PLEKHB2: variants seen among roughly 807,000 people sequenced by gnomAD.
The protein encoded by PLEKHB2 is pleckstrin homology domain-containing family B member 2.
In PLEKHB2, 31 loss-of-function variants were observed where a neutral mutation model predicts 36.5. The observed-to-expected ratio is 0.85, with a 90% CI of 0.64 to 1.15. PLEKHB2 has a LOEUF of 1.15. PLEKHB2 is among the 50% of genes most tolerant of loss of function. PLEKHB2 has a pLI of 0.00. For missense variants in PLEKHB2, 262 were observed against 295.3 expected, an observed-to-expected ratio of 0.89 and a Z score of 0.83; for synonymous variants, 119 against 112.0, an observed-to-expected ratio of 1.06 and a Z score of -0.39.
chr2:131,118,709 C>A (rs551132784), intron 1 of PLEKHB2, among the ~76,000 whole-genome samples: 1 of 150,804 alleles, frequency 6.6e-6, no homozygotes, highest in East Asian at 2.0e-4. Flanking sequence ...ACTGAAAATA[C>A]AAGAAAAAAT....
chr2:131,126,652 A>G, intron 3 of PLEKHB2, 32 bp from the exon 4 acceptor site: 2 of 1,288,922 alleles, frequency 1.6e-6, no homozygotes, highest in Non-Finnish European at 2.3e-6. Flanking sequence ...AAATCCTGAA[A>G]AAAGTTCCTT....
In PLEKHB2 at chr2:131,105,385, A is replaced by C. The variant is rs892374148; in HGVS notation, c.-22A>C. 3 of 152,274 alleles carry C rather than the reference A, an allele frequency of 2.0e-5. No individual in the cohort carries two copies. The highest frequency in any genetic ancestry group is 4.4e-5 in the Non-Finnish European group (3 of 68,132). 9.4% of individuals were successfully genotyped at this position (152,274 alleles called of 1,614,324 possible). A position where few individuals can be genotyped will look rare whatever the true frequency, so the allele number is the denominator to read the frequency against. ...TCGCCGTGGCGTCTTGGTGTTCTCC[A>C]CGCTGGTTCGCAGGTGAGTGTCCCT... On this transcript the variant is annotated 5_prime_UTR_variant, in exon 1 of 8. Coordinates refer to ENST00000693505, the MANE Select transcript of PLEKHB2 (RefSeq NM_001100623.2).
chr2:131,128,109 C>T (rs1010759593), intron 4 of PLEKHB2, among the ~76,000 whole-genome samples: 3 of 152,180 alleles, frequency 2.0e-5, no homozygotes, highest in Admixed American at 6.5e-5. Flanking sequence ...CCTCAGATTA[C>T]AGAATGTTGA....
intron 6 of PLEKHB2, among the ~76,000 whole-genome samples, chr2:131,139,916 A>G (rs1481232270): frequency 6.6e-6 from 1 of 152,216 alleles, no homozygotes; most frequent in Non-Finnish European, 1.5e-5. Context: ...AATCTCATGC[A>G]AGTCCAGTTC....
chr2:131,122,022 C>T (rs767084060), intron 2 of PLEKHB2, among the ~76,000 whole-genome samples: 1 of 152,120 alleles, frequency 6.6e-6, no homozygotes, highest in Non-Finnish European at 1.5e-5. Context: ...CCTCAGCCTC[C>T]CGAGTAGCTG....
At chr2:131,124,805 A>T (rs1696934746) in intron 2 of PLEKHB2, among the ~76,000 whole-genome samples, 1 of 150,484 alleles carries the variant, frequency 6.6e-6, no homozygotes, top group Admixed American at 6.6e-5. Context: ...TTTTTTTTGG[A>T]GACGGAGTGT....
At position 131,130,759 on chromosome 2, in the gene PLEKHB2, C is replaced by A. The variant is rs1418360728; in HGVS notation, c.332C>A (p.Thr111Lys). 12 of 1,607,844 alleles carry A rather than the reference C, an allele frequency of 7.5e-6. No homozygotes were observed. Among genetic ancestry groups the A allele is most frequent in the Non-Finnish European group, 9.4e-6 (11 of 1,175,062 alleles). ...ACACTCCAAGATTCTAGGACAAACACAGTAAGTTGCTAATGGCAATCACCA... is the reference window on the plus strand; with the variant it reads ...ACACTCCAAGATTCTAGGACAAACAAAGTAAGTTGCTAATGGCAATCACCA... ...KFTLQDSRTN[T>K]AYVGSAVMTD... is the part of the protein sequence containing the mutation. Residue 111 changes from threonine to lysine, a missense_variant and splice_region_variant, in exon 5 of 8, where the codon ACA becomes AAA. Thr to Lys is a moderately conservative substitution (Grantham distance 78). Transcript: ENST00000693505.
At chr2:131,130,651 C>G in intron 4 of PLEKHB2, 70 bp from the exon 5 acceptor site, 1 of 1,157,476 alleles carries the variant, frequency 8.6e-7, no homozygotes. Context: ...AATTCTGATG[C>G]CAGCCCAGGT....
chr2:131,109,383 G>T (rs949040281), intron 1 of PLEKHB2, among the ~76,000 whole-genome samples: 1 of 152,176 alleles, frequency 6.6e-6, no homozygotes, highest in Non-Finnish European at 1.5e-5. Flanking sequence ...AATAATACAT[G>T]TACATAGATT....
At chr2:131,141,054 C>T (rs952177022) in intron 7 of PLEKHB2, among the ~76,000 whole-genome samples, 5 of 152,112 alleles carry the variant, frequency 3.3e-5, no homozygotes, top group Non-Finnish European at 5.9e-5. Flanking sequence ...GGTGTCTCAG[C>T]GCAGAGGCAG....
intron 1 of PLEKHB2, among the ~76,000 whole-genome samples, chr2:131,105,704 G>A (rs910337812): frequency 6.6e-6 from 1 of 152,026 alleles, no homozygotes; most frequent in South Asian, 2.1e-4. Context: ...CTTCCCCGGC[G>A]TCCGCCTCCG....
chr2:131,146,675 C>G lies in PLEKHB2; in HGVS notation c.571C>G (p.Arg191Gly). 1 of 1,613,858 alleles carries G rather than the reference C, an allele frequency of 6.2e-7. No individual in the cohort carries two copies. The highest frequency in any genetic ancestry group is 8.5e-7 in the Non-Finnish European group (1 of 1,179,906). Residue 191 changes from arginine to glycine, a missense_variant, in exon 8 of 8, where the codon CGA becomes GGA. By Grantham distance (125) the Arg-to-Gly change is moderately radical. Transcript: ENST00000693505. The part of the protein sequence containing the change: ...GQQPANQVII[R>G]ERYRDNDSDL... The stretch of plus-strand genomic sequence containing the variant: ...GCAGCCTGCTAACCAAGTCATCATT[C>G]GAGAGCGCTATCGAGACAACGACAG...
chr2:131,121,486 GAT>G (rs1236458792), intron 2 of PLEKHB2, among the ~76,000 whole-genome samples: 3 of 152,092 alleles, frequency 2.0e-5, no homozygotes, highest in African/African-American at 7.2e-5. Flanking sequence ...GACCTCAGGT[GAT>G]CTGCCCACCT....
chr2:131,131,272 G>C (rs1697651541), intron 5 of PLEKHB2, among the ~76,000 whole-genome samples: 1 of 152,242 alleles, frequency 6.6e-6, no homozygotes, highest in African/African-American at 2.4e-5. Context: ...GCTTGTTCCA[G>C]TGTTGCTTTC....
At chr2:131,133,035 T>A (rs754512653) in intron 6 of PLEKHB2, 44 bp downstream of exon 6, 1 of 1,230,682 alleles carries the variant, frequency 8.1e-7, no homozygotes, top group Admixed American at 1.7e-5. Context: ...GTTTGGGGTC[T>A]CTGCTGCTGT....
At chr2:131,139,041 C>T (rs763369421) in intron 6 of PLEKHB2, among the ~76,000 whole-genome samples, 15 of 152,192 alleles carry the variant, frequency 9.9e-5, no homozygotes, top group Non-Finnish European at 1.9e-4. Flanking sequence ...AGGCTGAAGG[C>T]TTTTATGTGG....
intron 2 of PLEKHB2, among the ~76,000 whole-genome samples, chr2:131,121,563 A>T (rs1487698855): frequency 6.6e-6 from 1 of 152,106 alleles, no homozygotes; most frequent in African/African-American, 2.4e-5. Context: ...TTTATTATTA[A>T]TGATGGATCT....
At position 131,140,194 on chromosome 2, in the gene PLEKHB2, G is replaced by A. The variant is rs772416287; in HGVS notation, c.451G>A (p.Gly151Ser). The A allele has an allele frequency of 1.2e-6, 2 of 1,613,072 alleles. No individual in the cohort carries two copies. The highest frequency in any genetic ancestry group is 2.2e-5 in the South Asian group (2 of 91,056). The change falls in exon 7 of 8, where the codon GGT becomes AGT. Residue 151 changes from glycine to serine, a missense_variant. Physicochemically the swap from Gly to Ser is moderately conservative, Grantham distance 56. Transcript: ENST00000693505. The stretch of plus-strand genomic sequence containing the variant: ...GGCTTATGGCTATGGGCCATACGGT[G>A]GTGCGTACCCGCCAGGAACTCAAGT... ...EQAYGYGPYG[G>S]AYPPGTQVVY...
At chr2:131,135,190 G>T (rs903537269) in intron 6 of PLEKHB2, among the ~76,000 whole-genome samples, 1 of 151,842 alleles carries the variant, frequency 6.6e-6, no homozygotes, top group Non-Finnish European at 1.5e-5. Context: ...TCCTGCCTCA[G>T]CCTCCTGAGT....
Sources: allele counts gnomAD v4.1 joint callset (sites outside exome capture counted in the v4.1 genomes callset), GRCh38; gene constraint gnomAD v4.1.1; transcripts MANE v1.5; gene names NCBI Gene and HGNC (gene_info 2026-07-23, HGNC 2026-07-21).